Variants in SMOC2 observed in about 807,000 individuals in gnomAD.
SMOC2 encodes SPARC related modular calcium binding 2.
SMOC2 carries 39 observed loss-of-function variants against 61.4 expected under a neutral mutation model. That is an observed-to-expected ratio of 0.64 (90% CI 0.49 to 0.83). The LOEUF is 0.83. SMOC2 is among the 40% of genes least tolerant of loss of function. The pLI is 0.00. For missense variants in SMOC2, 556 were observed against 592.9 expected (o/e 0.94, Z 0.65); for synonymous variants, 247 against 239.9 (o/e 1.03, Z -0.27).
chr6:168,597,672 T>C (rs952580484), intron 7 of SMOC2, among the ~76,000 whole-genome samples: 45 of 152,216 alleles, frequency 3.0e-4, no homozygotes, highest in African/African-American at 1.1e-3. Context: ...TAAAGCACCA[T>C]TTGTGGAAAA....
At chr6:168,630,329 A>G (rs1480370748) in intron 9 of SMOC2, among the ~76,000 whole-genome samples, 3 of 152,238 alleles carry the variant, frequency 2.0e-5, no homozygotes, top group African/African-American at 7.2e-5. Flanking sequence ...TTAGTTCCCC[A>G]AATTAATACT....
At chr6:168,464,257 AGGAC>A (rs931927444) in intron 1 of SMOC2, among the ~76,000 whole-genome samples, 13 of 151,556 alleles carry the variant, frequency 8.6e-5, no homozygotes, top group East Asian at 1.9e-4. Context: ...AAAGGAAGGA[AGGAC>A]GGACGGAAGG....
At chr6:168,659,690 T>TTGGGTG (rs1562410877) in intron 11 of SMOC2, among the ~76,000 whole-genome samples, 2 of 52,972 alleles carry the variant, frequency 3.8e-5, no homozygotes, top group African/African-American at 8.2e-5. Flanking sequence ...AGGTTGTAGG[T>TTGGGTG]AGGGTGAGGG....
At chr6:168,664,384 CTTTTTTTTTTTTTTTTTTTTTTTT>C (rs750178882) in intron 12 of SMOC2, 2 of 283,094 alleles carry the variant, frequency 7.1e-6, no homozygotes, top group African/African-American at 7.9e-5. Context: ...TTTGGTAGAT[CTTTTTTTTTTTTTTTTTTTTTTTT>C]TTTTTTTTAA....
intron 7 of SMOC2, among the ~76,000 whole-genome samples, chr6:168,550,389 TC>T (rs1182504434): frequency 1.3e-5 from 2 of 152,116 alleles, no homozygotes; most frequent in African/African-American, 4.8e-5. Flanking sequence ...GTGGTTCGAT[TC>T]CCCCTTCACC....
chr6:168,608,123 C>T (rs1471447844), intron 8 of SMOC2, 34 bp from the exon 9 acceptor site: 1 of 1,591,292 alleles, frequency 6.3e-7, no homozygotes, highest in South Asian at 1.1e-5. Flanking sequence ...CCGTTGTTTT[C>T]TCTCTCCTTC....
At chr6:168,523,079 A>ATTCTTTTTTTTTTTTTTTTTTTT (rs551183247) in intron 2 of SMOC2, among the ~76,000 whole-genome samples, 1 of 93,664 alleles carries the variant, frequency 1.1e-5, no homozygotes, top group Non-Finnish European at 2.2e-5. Flanking sequence ...TTGTACAGTA[A>ATTCTTTTTTTTTTTTTTTTTTTT]TTTTTTTTTT....
chr6:168,466,862 G>T (rs189894890), intron 1 of SMOC2, among the ~76,000 whole-genome samples: 1 of 152,186 alleles, frequency 6.6e-6, no homozygotes, highest in Non-Finnish European at 1.5e-5. Flanking sequence ...TGAATAGCCC[G>T]GTGGGGCGGT....
chr6:168,510,865 C>T (rs768924376), intron 2 of SMOC2, among the ~76,000 whole-genome samples: 1 of 152,150 alleles, frequency 6.6e-6, no homozygotes, highest in East Asian at 1.9e-4. Context: ...TTGCAGACGA[C>T]GAAGGCAGAA....
intron 1 of SMOC2, among the ~76,000 whole-genome samples, chr6:168,495,513 G>A (rs1259101064): frequency 6.6e-6 from 1 of 152,172 alleles, no homozygotes; most frequent in East Asian, 1.9e-4. Context: ...GGGATGCTGT[G>A]AGCACCTCCC....
At chr6:168,627,149 A>G (rs962066881) in intron 9 of SMOC2, among the ~76,000 whole-genome samples, 2 of 152,230 alleles carry the variant, frequency 1.3e-5, no homozygotes, top group African/African-American at 2.4e-5. Context: ...ATAGGCCAGC[A>G]TGTTGACTTT....
chr6:168,625,380 A>C (rs1466757665), intron 9 of SMOC2, among the ~76,000 whole-genome samples: 4 of 152,218 alleles, frequency 2.6e-5, no homozygotes, highest in African/African-American at 9.6e-5. Context: ...TTGTGAGCAG[A>C]GAGCACTGGG....
intron 5 of SMOC2, 88 bp from the exon 6 acceptor site, chr6:168,547,031 A>G: frequency 6.6e-7 from 1 of 1,517,352 alleles, no homozygotes; most frequent in Non-Finnish European, 9.2e-7. Flanking sequence ...ACTGAGTGCA[A>G]GTCCTCAGCA....
In SMOC2 at chr6:168,549,109, C is replaced by G. The variant is rs1267431351; in HGVS notation, c.563-20C>G. 1.2e-6 allele frequency: 2 copies of G among 1,604,934 alleles called. No homozygotes were observed. The highest frequency in any genetic ancestry group is 1.7e-6 in the Non-Finnish European group (2 of 1,171,810). The stretch of plus-strand genomic sequence containing the variant: ...TTCGTGATGAATTAAAGATGCTTGT[C>G]ATTTCATTTTGGTTCATAGATATTG... On this transcript the variant is annotated intron_variant, in intron 6 of 12. Coordinates refer to ENST00000356284, the MANE Select transcript of SMOC2 (RefSeq NM_001166412.2).
chr6:168,650,788 G>T lies in SMOC2; in HGVS notation c.1010+5G>T, dbSNP rs1349210636. ...CCCCTCCTCCTCGTCAGGCAGGTAC[G>T]CTGTGTTCGCCGTGGGACAACAAGT... On this transcript the variant is annotated splice_donor_5th_base_variant and intron_variant, in intron 10 of 12. Transcript: ENST00000356284. 2 of 1,607,150 alleles carry T rather than the reference G, an allele frequency of 1.2e-6. No homozygotes were observed. The highest frequency in any genetic ancestry group is 2.7e-5 in the African/African-American group (2 of 74,884).
chr6:168,558,236 T>C (rs749780207), intron 7 of SMOC2, among the ~76,000 whole-genome samples: 83 of 152,312 alleles, frequency 5.4e-4, no homozygotes, highest in Admixed American at 1.0e-3. Flanking sequence ...TCTCATTGTC[T>C]TATTTAGGAG....
rs1583036331 is a variant in SMOC2 at position 168,466,226 on chromosome 6, A to G, written c.84+24772A>G. Among the ~76,000 whole-genome samples, 6 of 118,302 alleles carry G rather than the reference A, an allele frequency of 5.1e-5. No homozygotes were observed. In the South Asian group the frequency reaches 1.8e-3, roughly 35 times the overall value. 77.6% of individuals were successfully genotyped at this position (118,302 alleles called of 152,430 possible). ...TGAATGAGTTGAAGCACTGCTTTGA[A>G]AGCTGAAACTGGGGTGCTCTGGATG... On this transcript the variant is annotated intron_variant, in intron 1 of 12. Coordinates refer to ENST00000356284, the MANE Select transcript of SMOC2 (RefSeq NM_001166412.2).
chr6:168,541,950 G>C (rs980915574), intron 4 of SMOC2, among the ~76,000 whole-genome samples: 71 of 152,154 alleles, frequency 4.7e-4, no homozygotes, highest in African/African-American at 1.7e-3. Flanking sequence ...GTACTGTTCT[G>C]TCTGTACAGT....
At chr6:168,665,421 T>C (rs1352440814) in intron 12 of SMOC2, among the ~76,000 whole-genome samples, 1 of 152,194 alleles carries the variant, frequency 6.6e-6, no homozygotes, top group Non-Finnish European at 1.5e-5. Flanking sequence ...AAGGCCACCA[T>C]GTTGCTTTGA....
Sources: allele counts gnomAD v4.1 joint callset (sites outside exome capture counted in the v4.1 genomes callset), GRCh38; gene constraint gnomAD v4.1.1; transcripts MANE v1.5; gene names NCBI Gene and HGNC (gene_info 2026-07-23, HGNC 2026-07-21).